Variants in GALNT3 observed in about 807,000 individuals in gnomAD.
GALNT3 encodes the protein polypeptide N-acetylgalactosaminyltransferase 3, also known as GalNAc transferase 3.
Under a neutral mutation model 69.8 loss-of-function variants are expected in GALNT3, and 51 were observed. The ratio of observed to expected loss-of-function variants is 0.73; its 90% CI spans 0.58 to 0.92. GALNT3 has a LOEUF of 0.92. GALNT3 is among the 40% of genes least tolerant of loss of function. GALNT3 has a pLI of 0.00. For missense variants in GALNT3, 711 were observed against 760.0 expected (o/e 0.94, Z 0.76); for synonymous variants, 265 against 248.5 (o/e 1.07, Z -0.63).
intron 1 of GALNT3, among the ~76,000 whole-genome samples, chr2:165,782,852 T>G (rs755000248): frequency 3.7e-4 from 57 of 152,298 alleles, no homozygotes; most frequent in Non-Finnish European, 5.9e-4. Flanking sequence ...ATGCTGTGAC[T>G]CTTGATTGCA....
At position 165,759,327 on chromosome 2, in the gene GALNT3, T is replaced by G. The variant is rs1448697523; in HGVS notation, c.1073+9A>C. 1 of 1,599,662 alleles carries G rather than the reference T, an allele frequency of 6.3e-7. No homozygotes were observed. The highest frequency in any genetic ancestry group is 8.6e-7 in the Non-Finnish European group (1 of 1,167,660). ...TGTAAATATAAGACTCTGAGAGCAATCATCTTACTTAATTGGGTAGGTTTC... is the reference window on the plus strand; with the variant it reads ...TGTAAATATAAGACTCTGAGAGCAAGCATCTTACTTAATTGGGTAGGTTTC... On this transcript the variant is annotated intron_variant, in intron 5 of 10. Coordinates refer to ENST00000392701, the MANE Select transcript of GALNT3 (RefSeq NM_004482.4).
Position 165,767,681 on chromosome 2 carries a change from C to A in GALNT3, c.515+2505G>T, listed in dbSNP as rs116112967. ...CAATTAAAATAACTTGCCAAAGTGA[C>A]TGTATCATTCCAGTCAAACCATTTG... On this transcript the variant is annotated intron_variant, in intron 2 of 10. Coordinates refer to ENST00000392701, the MANE Select transcript of GALNT3 (RefSeq NM_004482.4). Among the ~76,000 whole-genome samples the A allele has an allele frequency of 2.3e-3, 349 of 152,202 alleles. 3 individuals carry two copies. Among genetic ancestry groups the A allele is most frequent in the African/African-American group, 8.1e-3 (335 of 41,530 alleles).
At chr2:165,774,035 C>G (rs955521696) in intron 1 of GALNT3, among the ~76,000 whole-genome samples, 16 of 152,152 alleles carry the variant, frequency 1.1e-4, no homozygotes, top group African/African-American at 3.9e-4. Context: ...ATTCAGGGCA[C>G]TTCCAGAATA....
chr2:165,769,445 A>AATAATAAT (rs1190500682), intron 2 of GALNT3, among the ~76,000 whole-genome samples: 27 of 145,798 alleles, frequency 1.9e-4, no homozygotes, highest in African/African-American at 6.8e-4. Context: ...AATAATAAAT[A>AATAATAAT]AATAAATAAA....
Position 165,757,106 on chromosome 2 carries a change from C to T in GALNT3, c.1333G>A (p.Asp445Asn), listed in dbSNP as rs1208726688. ...NQVRLAEVWM[D>N]EYKEIFYRRN... ...CTATAAAATATTTCCTTGTATTCATCCATCCAGACTTCTGCAAGGCGAACT... is the reference window on the plus strand; with the variant it reads ...CTATAAAATATTTCCTTGTATTCATTCATCCAGACTTCTGCAAGGCGAACT... Residue 445 changes from aspartate to asparagine, a missense_variant, in exon 7 of 11, where the codon GAT becomes AAT. Physicochemically the swap from Asp to Asn is conservative, Grantham distance 23. Transcript: ENST00000392701. The T allele has an allele frequency of 3.1e-6, 5 of 1,614,050 alleles. No homozygotes were observed. The highest frequency in any genetic ancestry group is 1.7e-4 in the Middle Eastern group (1 of 6,060).
chr2:165,754,845 G>T (rs1688417361), intron 8 of GALNT3, 87 bp downstream of exon 8: 1 of 1,473,516 alleles, frequency 6.8e-7, no homozygotes, highest in Non-Finnish European at 9.4e-7. Flanking sequence ...AAGCAATAAA[G>T]AAAGTATTTC....
chr2:165,761,115 T>A, intron 4 of GALNT3, among the ~76,000 whole-genome samples: 1 of 91,686 alleles, frequency 1.1e-5, no homozygotes, highest in Non-Finnish European at 2.0e-5. Context: ...GTCTGCAAAT[T>A]TAAAAAAAAA....
intron 1 of GALNT3, among the ~76,000 whole-genome samples, chr2:165,783,603 C>T (rs976352318): frequency 3.3e-5 from 5 of 152,012 alleles, no homozygotes; most frequent in African/African-American, 7.3e-5. Flanking sequence ...CTTTGCTGGC[C>T]ATATGGTCTC....
At chr2:165,761,346 G>A (rs1688541869) in intron 4 of GALNT3, among the ~76,000 whole-genome samples, 1 of 152,002 alleles carries the variant, frequency 6.6e-6, no homozygotes, top group African/African-American at 2.4e-5. Flanking sequence ...CTAGTAGCTG[G>A]AATTATAGGC....
At chr2:165,761,402 G>T (rs1031164581) in intron 4 of GALNT3, among the ~76,000 whole-genome samples, 2 of 152,020 alleles carry the variant, frequency 1.3e-5, no homozygotes, top group African/African-American at 4.8e-5. Context: ...AGTAGAGACA[G>T]GGTTTCACCT....
chr2:165,750,497 C>T (rs1221105475), intron 9 of GALNT3, among the ~76,000 whole-genome samples: 2 of 152,178 alleles, frequency 1.3e-5, no homozygotes, highest in African/African-American at 4.8e-5. Context: ...CTTAGCTGCA[C>T]TATTCCTCTC....
Position 165,761,778 on chromosome 2 carries a change from C to T in GALNT3, c.838+127G>A, listed in dbSNP as rs180937930. On this transcript the variant is annotated intron_variant, in intron 4 of 10. Coordinates refer to ENST00000392701, the MANE Select transcript of GALNT3 (RefSeq NM_004482.4). ...CTGCTTGGGCTGTCATTGCTATAAT[C>T]GCCAGTTGAAAACGCTGTTAAAGAA... 9.9e-6 allele frequency: 10 copies of T among 1,007,968 alleles called. No homozygotes were observed. In the East Asian group the frequency reaches 1.7e-4, roughly 17 times the overall value. The allele number at this position is 1,007,968 out of a possible 1,614,324, so 62.4% of individuals were successfully genotyped here. A position where few individuals can be genotyped will look rare whatever the true frequency, so the allele number is the denominator to read the frequency against.
chr2:165,787,813 G>A (rs376933212), intron 1 of GALNT3, among the ~76,000 whole-genome samples: 2 of 152,066 alleles, frequency 1.3e-5, no homozygotes, highest in East Asian at 1.9e-4. Context: ...CTCAATTGTG[G>A]AATATGTATA....
At chr2:165,769,271 T>G (rs1281064477) in intron 2 of GALNT3, among the ~76,000 whole-genome samples, 1 of 145,688 alleles carries the variant, frequency 6.9e-6, no homozygotes, top group African/African-American at 2.5e-5. Flanking sequence ...CCGGACGTGG[T>G]GCCACATGCC....
At chr2:165,754,436 A>AT (rs1275457690) in intron 9 of GALNT3, among the ~76,000 whole-genome samples, 191 bp downstream of exon 9, 12 of 115,118 alleles carry the variant, frequency 1.0e-4, no homozygotes, top group African/African-American at 3.7e-4. Flanking sequence ...AGCTACTCAA[A>AT]TTGTTTTCAG....
At chr2:165,780,794 C>A (rs1016320301) in intron 1 of GALNT3, among the ~76,000 whole-genome samples, 3 of 152,096 alleles carry the variant, frequency 2.0e-5, no homozygotes, top group African/African-American at 7.2e-5. Context: ...CTGGTTCATG[C>A]AACTTATTTG....
intron 1 of GALNT3, among the ~76,000 whole-genome samples, chr2:165,778,058 G>C (rs1396566669): frequency 6.6e-6 from 1 of 152,188 alleles, no homozygotes; most frequent in Admixed American, 6.5e-5. Context: ...AAAGGTTGCT[G>C]ATAGAATCTT....
At chr2:165,765,245 C>T (rs1688617853) in intron 2 of GALNT3, among the ~76,000 whole-genome samples, 189 bp from the exon 3 acceptor site, 2 of 152,066 alleles carry the variant, frequency 1.3e-5, no homozygotes, top group South Asian at 2.1e-4. Flanking sequence ...AAGCAAATCA[C>T]TCACCCAGAG....
At chr2:165,773,397 G>C (rs941831884) in intron 1 of GALNT3, among the ~76,000 whole-genome samples, 1 of 152,106 alleles carries the variant, frequency 6.6e-6, no homozygotes, top group African/African-American at 2.4e-5. Flanking sequence ...GTTAAATTGT[G>C]AGTCCATTAA....
Sources: gnomAD v4.1 joint callset for allele counts (sites outside exome capture counted in the v4.1 genomes callset) on GRCh38, gnomAD v4.1.1 for gene constraint, MANE v1.5 for transcripts, NCBI Gene and HGNC (gene_info 2026-07-23, HGNC 2026-07-21) for gene names.